The following UBE2E2 variants were observed in gnomAD, a reference collection of about 807,000 sequenced individuals.
UBE2E2 encodes ubiquitin-conjugating enzyme E2 E2.
In UBE2E2, 6 loss-of-function variants were observed where a neutral mutation model predicts 24.7. That is an observed-to-expected ratio of 0.24 (90% CI 0.13 to 0.48). The LOEUF is 0.48. Ranked by LOEUF, UBE2E2 falls within the 20% of genes least tolerant of loss-of-function variation. The probability of loss-of-function intolerance (pLI) is 0.99; values close to 1 mark genes in which losing one functional copy is unlikely to be tolerated. For synonymous variants in UBE2E2, 104 were observed against 83.6 expected, an observed-to-expected ratio of 1.24 and a Z score of -1.33; for missense variants, 169 against 245.0, an observed-to-expected ratio of 0.69 and a Z score of 2.07.
At chr3:23,304,003 A>C (rs1328106021) in intron 3 of UBE2E2, among the ~76,000 whole-genome samples, 1 of 152,228 alleles carries the variant, frequency 6.6e-6, no homozygotes, top group South Asian at 2.1e-4. Flanking sequence ...GGGCTTTAGC[A>C]CAGCTACTAC....
chr3:23,368,143 CACA>C (rs1480550815), intron 3 of UBE2E2, among the ~76,000 whole-genome samples: 2 of 152,174 alleles, frequency 1.3e-5, no homozygotes, highest in East Asian at 1.9e-4. Flanking sequence ...TATTTTTTAA[CACA>C]ACATTTCATT....
intron 3 of UBE2E2, among the ~76,000 whole-genome samples, chr3:23,251,131 T>G (rs1697563396): frequency 6.6e-6 from 1 of 152,238 alleles, no homozygotes; most frequent in Non-Finnish European, 1.5e-5. Flanking sequence ...CTGGGATTAC[T>G]GTGCCTAGCC....
Position 23,540,388 on chromosome 3 carries a change from T to TTTTGTTTGTTTG in UBE2E2, c.508+7711_508+7722dup, listed in dbSNP as rs112747673. 8.0e-4 allele frequency among the ~76,000 whole-genome samples: 118 copies of TTTTGTTTGTTTG among 148,362 alleles called. 2 individuals carry two copies. Among genetic ancestry groups the TTTTGTTTGTTTG allele is most frequent in the African/African-American group, 2.9e-3 (114 of 39,286 alleles). ...AGCCACTGAGTAAAGTTTGATGCCCTTTTGTTTGTTTGTTTGTTTGTTTGT... is the reference window on the plus strand; with the variant it reads ...AGCCACTGAGTAAAGTTTGATGCCCTTTTGTTTGTTTGTTTGTTTGTTTGTTTGTTTGTTTGT... On this transcript the variant is annotated intron_variant, in intron 5 of 5. Transcript: ENST00000396703.
intron 3 of UBE2E2, among the ~76,000 whole-genome samples, chr3:23,301,201 G>C (rs908073246): frequency 6.6e-5 from 10 of 151,916 alleles, no homozygotes; most frequent in Non-Finnish European, 1.0e-4. Flanking sequence ...TTTTTTCAAA[G>C]CTTTTTACTT....
chr3:23,270,829 G>A (rs1264514632), intron 3 of UBE2E2: 3 of 442,286 alleles, frequency 6.8e-6, no homozygotes, highest in Non-Finnish European at 9.1e-6. Flanking sequence ...TCTCTTAGGT[G>A]TGCAATTGTT....
rs1694700269 is a variant in UBE2E2, at chr3:23,515,151, GTGTA to G, written c.360+15412_360+15415del. ...TGTGTGTGTGTGTGTGTGTGTGTGT[GTGTA>G]CATATATATAGAGAGAGAGATACAT... On this transcript the variant is annotated intron_variant, in intron 4 of 5. Coordinates refer to ENST00000396703, the MANE Select transcript of UBE2E2 (RefSeq NM_152653.4). Among the ~76,000 whole-genome samples the G allele has an allele frequency of 3.0e-5, 4 of 134,746 alleles. No homozygotes were observed. In the South Asian group the frequency reaches 9.4e-4, roughly 32 times the overall value. 88.4% of individuals were successfully genotyped at this position (134,746 alleles called of 152,430 possible).
chr3:23,309,755 G>A lies in UBE2E2; in HGVS notation c.227+92443G>A, dbSNP rs62255349. On this transcript the variant is annotated intron_variant, in intron 3 of 5. Transcript: ENST00000396703. Reference sequence around the variant, plus strand: ...ATTTGAAGGCTTGACTGGGGCTGGAGGAACTACTTTCAAGTTAGCTCAGTC... The same window carrying A: ...ATTTGAAGGCTTGACTGGGGCTGGAAGAACTACTTTCAAGTTAGCTCAGTC... Among the ~76,000 whole-genome samples, 687 of 152,266 alleles carry A rather than the reference G, an allele frequency of 4.5e-3. 6 individuals are homozygous for A. The highest frequency in any genetic ancestry group is 8.0e-3 in the Non-Finnish European group (542 of 68,026).
chr3:23,501,038 ACTG>A (rs2125456780), intron 4 of UBE2E2, among the ~76,000 whole-genome samples: 1 of 152,058 alleles, frequency 6.6e-6, no homozygotes, highest in African/African-American at 2.4e-5. Flanking sequence ...TTCTCCCTTT[ACTG>A]GATGGGACCC....
chr3:23,458,428 T>TGGTGGTGG (rs76760747), intron 3 of UBE2E2, among the ~76,000 whole-genome samples: 4 of 147,982 alleles, frequency 2.7e-5, no homozygotes, highest in African/African-American at 7.8e-5. Context: ...GTGGTGGTGG[T>TGGTGGTGG]TGTTGTTGTT....
At chr3:23,520,328 G>T (rs1382892931) in intron 4 of UBE2E2, among the ~76,000 whole-genome samples, 2 of 152,062 alleles carry the variant, frequency 1.3e-5, no homozygotes, top group Non-Finnish European at 2.9e-5. Flanking sequence ...AGTCACCTAG[G>T]ACAGTGCGTG....
rs567103357 is a variant in UBE2E2, at chr3:23,272,364, C to T, written c.227+55052C>T. ...TGGCCCAAGAGCAACGCACGCAGCC[C>T]GGGTTCCCACCCGTGCCTCTCCTTC... On this transcript the variant is annotated intron_variant, in intron 3 of 5. Coordinates refer to ENST00000396703, the MANE Select transcript of UBE2E2 (RefSeq NM_152653.4). Among the ~76,000 whole-genome samples the T allele has an allele frequency of 8.5e-5, 13 of 152,138 alleles. No individual in the cohort carries two copies. In the East Asian group the frequency reaches 9.8e-4, roughly 11 times the overall value.
At chr3:23,545,513 A>G (rs918147485) in intron 5 of UBE2E2, among the ~76,000 whole-genome samples, 3 of 152,156 alleles carry the variant, frequency 2.0e-5, no homozygotes, top group Non-Finnish European at 4.4e-5. Context: ...AAGATCATAG[A>G]TTAACAGAAT....
At chr3:23,271,114 G>C in intron 3 of UBE2E2, 1 of 437,294 alleles carries the variant, frequency 2.3e-6, no homozygotes, top group Admixed American at 2.6e-5. Flanking sequence ...TGGACCTTGA[G>C]TTTCAGAAAC....
At chr3:23,500,459 G>T (rs185816761) in intron 4 of UBE2E2, among the ~76,000 whole-genome samples, 15 of 151,988 alleles carry the variant, frequency 9.9e-5, no homozygotes, top group Non-Finnish European at 2.1e-4. Context: ...CCTATAAGTC[G>T]GATATTTGAC....
At chr3:23,270,419 G>T (rs888746680) in intron 3 of UBE2E2, among the ~76,000 whole-genome samples, 2 of 152,108 alleles carry the variant, frequency 1.3e-5, no homozygotes, top group Admixed American at 1.3e-4. Flanking sequence ...CCACGGGCCT[G>T]GGTTATTCTG....
At chr3:23,379,961 G>A (rs1696624964) in intron 3 of UBE2E2, among the ~76,000 whole-genome samples, 1 of 151,846 alleles carries the variant, frequency 6.6e-6, no homozygotes, top group Admixed American at 6.6e-5. Context: ...GGAATCAGTG[G>A]GGCAGTCTTT....
At chr3:23,548,458 C>T (rs576493972) in intron 5 of UBE2E2, among the ~76,000 whole-genome samples, 15 of 152,332 alleles carry the variant, frequency 9.8e-5, no homozygotes, top group South Asian at 2.1e-4. Flanking sequence ...TTTGACTCCA[C>T]CTTCAAGCTG....
chr3:23,555,207 G>A (rs563162344), intron 5 of UBE2E2, among the ~76,000 whole-genome samples: 5 of 152,274 alleles, frequency 3.3e-5, no homozygotes, highest in Admixed American at 2.6e-4. Context: ...GAGCCACCAT[G>A]CCCAGCCTGG....
At chr3:23,299,580 G>A (rs1162201881) in intron 3 of UBE2E2, among the ~76,000 whole-genome samples, 1 of 152,216 alleles carries the variant, frequency 6.6e-6, no homozygotes, top group Non-Finnish European at 1.5e-5. Flanking sequence ...CAGTTTCCAT[G>A]TAGTTGCACG....
Sources: gnomAD v4.1 joint callset for allele counts (sites outside exome capture counted in the v4.1 genomes callset) on GRCh38, gnomAD v4.1.1 for gene constraint, MANE v1.5 for transcripts, NCBI Gene and HGNC (gene_info 2026-07-23, HGNC 2026-07-21) for gene names.